Variants in ITPR2 observed in about 807,000 individuals in gnomAD.
ITPR2 encodes the protein inositol 1,4,5-trisphosphate receptor type 2.
In ITPR2, 207 loss-of-function variants were observed where a neutral mutation model predicts 317.1. The ratio of observed to expected loss-of-function variants is 0.65; its 90% CI spans 0.58 to 0.73. The LOEUF (loss-of-function observed/expected upper bound fraction) is 0.73. Among genes scored for constraint, ITPR2 ranks in the 30% least tolerant of loss-of-function variants. ITPR2 has a pLI of 0.00. For synonymous variants in ITPR2, 1,156 were observed against 1,149.1 expected, an observed-to-expected ratio of 1.01 and a Z score of -0.12; for missense variants, 2,613 against 3,284.0, an observed-to-expected ratio of 0.80 and a Z score of 4.99.
chr12:26,713,450 A>T (rs942109210), intron 8 of ITPR2, among the ~76,000 whole-genome samples: 4 of 152,222 alleles, frequency 2.6e-5, no homozygotes, highest in Admixed American at 2.6e-4. Flanking sequence ...AACATTTTAC[A>T]TCAAGTTATA....
Position 26,599,323 on chromosome 12 carries a change from C to T in ITPR2, c.3824G>A (p.Arg1275Gln), listed in dbSNP as rs191673689. 3.3e-3 allele frequency: 5,254 copies of T among 1,613,962 alleles called. 10 individuals carry two copies. Among genetic ancestry groups the T allele is most frequent in the Non-Finnish European group, 3.6e-3 (4,272 of 1,179,872 alleles). ...ATGGTAATTGTTCATGAAGATGTGCCGCATGGTTTCTGCTTCAAGGAGCTA... is the reference window on the plus strand; with the variant it reads ...ATGGTAATTGTTCATGAAGATGTGCTGCATGGTTTCTGCTTCAAGGAGCTA... Reference protein sequence around the residue: ...TPGLLEAETMRHIFMNNYHLC... With the variant: ...TPGLLEAETMQHIFMNNYHLC... Residue 1275 changes from arginine to glutamine, a missense_variant, in exon 30 of 57, where the codon CGG becomes CAG. This residue lies in a region of ITPR2 where 817 missense variants were observed against 897.6 expected (regional missense o/e 0.91). Transcript: ENST00000381340.
intron 2 of ITPR2, among the ~76,000 whole-genome samples, chr12:26,730,254 C>T (rs1949003897): frequency 6.6e-6 from 1 of 152,166 alleles, no homozygotes; most frequent in East Asian, 1.9e-4. Flanking sequence ...TCAGTAAGGG[C>T]AAAACCTTTG....
chr12:26,523,192 A>G (rs1943712030), intron 37 of ITPR2, among the ~76,000 whole-genome samples: 1 of 152,158 alleles, frequency 6.6e-6, no homozygotes, highest in Non-Finnish European at 1.5e-5. Context: ...CTCAACTTCT[A>G]TTACCTTCCT....
chr12:26,441,384 C>T lies in ITPR2; in HGVS notation c.6451-2065G>A, dbSNP rs556697747. Among the ~76,000 whole-genome samples, 6 of 152,268 alleles carry T rather than the reference C, an allele frequency of 3.9e-5. No individual in the cohort carries two copies. In the East Asian group the frequency reaches 1.2e-3, roughly 29 times the overall value. On this transcript the variant is annotated intron_variant, in intron 46 of 56. Coordinates refer to ENST00000381340, the MANE Select transcript of ITPR2 (RefSeq NM_002223.4). The stretch of plus-strand genomic sequence containing the variant: ...TGAATTGTTGTGGTTATGTTCAAGG[C>T]ACAGGGTTCAGTTTTGGAAATACAA...
chr12:26,382,909 C>T lies in ITPR2; in HGVS notation c.7857+4525G>A, dbSNP rs538871973. Among the ~76,000 whole-genome samples the T allele has an allele frequency of 3.9e-5, 6 of 152,264 alleles. No homozygotes were observed. The East Asian group carries it at 9.6e-4, about 24-fold the overall frequency. On this transcript the variant is annotated intron_variant, in intron 55 of 56. Transcript: ENST00000381340. ...CAATAGATACAATATTCTCTATTAT[C>T]TGAATTTTACAAATGAAGAAACTGA...
At chr12:26,711,338 T>C in intron 8 of ITPR2, 70 bp from the exon 9 acceptor site, 1 of 998,302 alleles carries the variant, frequency 1.0e-6, no homozygotes, top group South Asian at 1.3e-5. Flanking sequence ...ACCAACAGTT[T>C]ACATGCCTGC....
At chr12:26,774,590 C>T (rs111571765) in intron 2 of ITPR2, among the ~76,000 whole-genome samples, 9 of 152,242 alleles carry the variant, frequency 5.9e-5, no homozygotes, top group African/African-American at 1.4e-4. Context: ...CTGAGCAGAG[C>T]GCAAGGCTAA....
intron 9 of ITPR2, among the ~76,000 whole-genome samples, chr12:26,699,501 A>AT (rs1378978401): frequency 1.3e-5 from 2 of 152,250 alleles, no homozygotes; most frequent in African/African-American, 4.8e-5. Context: ...TTACATATTC[A>AT]TATCTTTGGC....
At chr12:26,457,727 G>A (rs897187259) in intron 45 of ITPR2, among the ~76,000 whole-genome samples, 4 of 152,130 alleles carry the variant, frequency 2.6e-5, no homozygotes, top group South Asian at 2.1e-4. Flanking sequence ...TTAGCATCAC[G>A]GACTCTGGAC....
intron 54 of ITPR2, among the ~76,000 whole-genome samples, chr12:26,398,177 C>T (rs1278866029): frequency 6.6e-6 from 1 of 151,982 alleles, no homozygotes; most frequent in Admixed American, 6.6e-5. Flanking sequence ...AATCCCAGCA[C>T]TTTGGGAGGC....
At chr12:26,484,119 A>C (rs1168433922) in intron 41 of ITPR2, among the ~76,000 whole-genome samples, 1 of 151,572 alleles carries the variant, frequency 6.6e-6, no homozygotes, top group East Asian at 1.9e-4. Flanking sequence ...ATACATGTAC[A>C]TATATATGTG....
intron 55 of ITPR2, among the ~76,000 whole-genome samples, chr12:26,358,792 G>GCTGCCAC (rs1938726149): frequency 6.6e-6 from 1 of 152,032 alleles, no homozygotes; most frequent in African/African-American, 2.4e-5. Flanking sequence ...CCCATCTGTG[G>GCTGCCAC]CTGCCACCTG....
At chr12:26,830,441 T>G (rs1011797403) in intron 1 of ITPR2, among the ~76,000 whole-genome samples, 1 of 152,274 alleles carries the variant, frequency 6.6e-6, no homozygotes, top group Non-Finnish European at 1.5e-5. Context: ...TCTCAAGGTT[T>G]AAAGATTATT....
chr12:26,735,422 A>G (rs1392931097), intron 2 of ITPR2, among the ~76,000 whole-genome samples: 1 of 152,150 alleles, frequency 6.6e-6, no homozygotes, highest in Non-Finnish European at 1.5e-5. Flanking sequence ...AAGGGAAACA[A>G]AATGGGAAGG....
intron 13 of ITPR2, among the ~76,000 whole-genome samples, chr12:26,670,113 G>A (rs1022634281): frequency 2.6e-5 from 4 of 152,200 alleles, no homozygotes; most frequent in Non-Finnish European, 5.9e-5. Flanking sequence ...TCCACCTCTG[G>A]GGGCAGGGCA....
At chr12:26,805,798 G>A (rs1638365885) in intron 1 of ITPR2, among the ~76,000 whole-genome samples, 2 of 119,988 alleles carry the variant, frequency 1.7e-5, no homozygotes, top group African/African-American at 3.1e-5. Context: ...CAGGAGCCAG[G>A]AAGGAGGTAA....
intron 45 of ITPR2, among the ~76,000 whole-genome samples, chr12:26,463,922 C>T (rs1250473095): frequency 1.3e-5 from 2 of 152,128 alleles, no homozygotes; most frequent in Non-Finnish European, 2.9e-5. Context: ...GCACAGCACG[C>T]TAAATATTGC....
chr12:26,483,108 GACAA>G (rs535845333), intron 42 of ITPR2, among the ~76,000 whole-genome samples: 67 of 152,222 alleles, frequency 4.4e-4, no homozygotes, highest in Admixed American at 9.2e-4. Context: ...CAAAATCAGA[GACAA>G]ACATTCTGGA....
At chr12:26,739,063 A>T (rs931237954) in intron 2 of ITPR2, among the ~76,000 whole-genome samples, 1 of 152,222 alleles carries the variant, frequency 6.6e-6, no homozygotes, top group Non-Finnish European at 1.5e-5. Flanking sequence ...AATACACTCA[A>T]TACCACTGGT....
Sources: gnomAD v4.1 joint callset for allele counts (sites outside exome capture counted in the v4.1 genomes callset) on GRCh38, gnomAD v4.1.1 for gene constraint, gnomAD v4.1.1 regional missense constraint, MANE v1.5 for transcripts, NCBI Gene and HGNC (gene_info 2026-07-23, HGNC 2026-07-21) for gene names.